The following CDH13 variants were observed in gnomAD, a reference collection of about 807,000 sequenced individuals.
CDH13 encodes cadherin-13.
A neutral mutation model predicts 63.8 loss-of-function variants in CDH13; 24 were observed. The observed-to-expected ratio is 0.38, with a 90% CI of 0.27 to 0.53. The LOEUF is 0.53. Ranked by LOEUF, CDH13 falls within the 20% of genes least tolerant of loss-of-function variation. CDH13 has a pLI of 0.85. For missense variants in CDH13, 1,049 were observed against 903.1 expected, an observed-to-expected ratio of 1.16 and a Z score of -2.07; for synonymous variants, 503 against 355.3, an observed-to-expected ratio of 1.42 and a Z score of -4.67.
intron 5 of CDH13, among the ~76,000 whole-genome samples, chr16:83,297,200 G>A: frequency 6.6e-6 from 1 of 152,080 alleles, no homozygotes; most frequent in South Asian, 2.1e-4. Flanking sequence ...ATTATATTGT[G>A]TATCTGAAAA....
intron 1 of CDH13, among the ~76,000 whole-genome samples, chr16:82,721,044 A>G (rs1258353930): frequency 6.6e-6 from 1 of 152,260 alleles, no homozygotes; most frequent in South Asian, 2.1e-4. Context: ...CATTTTATAC[A>G]TAATGGAAGT....
intron 6 of CDH13, among the ~76,000 whole-genome samples, chr16:83,371,706 C>G (rs4782782): frequency 0.7 from 106,582 of 152,058 alleles, 37,532 homozygotes; most frequent in East Asian, 0.88. Context: ...ACATATGAAT[C>G]ACTGAAATAC....
intron 6 of CDH13, among the ~76,000 whole-genome samples, chr16:83,411,649 T>C (rs1344327611): frequency 6.6e-6 from 1 of 152,190 alleles, no homozygotes; most frequent in Non-Finnish European, 1.5e-5. Context: ...GCAAAGACCA[T>C]TTTTATGCCC....
intron 5 of CDH13, among the ~76,000 whole-genome samples, chr16:83,313,575 G>A (rs2090044099): frequency 6.7e-6 from 1 of 149,492 alleles, no homozygotes; most frequent in African/African-American, 2.5e-5. Context: ...CCAGGCCATG[G>A]TAGATTTTTA....
intron 5 of CDH13, among the ~76,000 whole-genome samples, chr16:83,267,179 C>T (rs140817319): frequency 3.9e-5 from 6 of 152,270 alleles, no homozygotes; most frequent in African/African-American, 1.2e-4. Flanking sequence ...AAAACCCCAA[C>T]CCAACTGTTG....
At chr16:83,561,851 G>C (rs1470020792) in intron 7 of CDH13, among the ~76,000 whole-genome samples, 1 of 152,138 alleles carries the variant, frequency 6.6e-6, no homozygotes, top group African/African-American at 2.4e-5. Context: ...CCTTAAAAGA[G>C]ACCACTGCTC....
At chr16:83,471,988 T>C (rs1056037646) in intron 6 of CDH13, among the ~76,000 whole-genome samples, 1 of 152,252 alleles carries the variant, frequency 6.6e-6, no homozygotes, top group Non-Finnish European at 1.5e-5. Context: ...TTGCTTTCAT[T>C]GAAGACTTCT....
intron 1 of CDH13, among the ~76,000 whole-genome samples, chr16:82,741,372 A>C (rs1417430714): frequency 1.3e-5 from 2 of 152,192 alleles, no homozygotes; most frequent in Non-Finnish European, 2.9e-5. Flanking sequence ...AGCCCAGCTC[A>C]AACTTTACAA....
intron 6 of CDH13, among the ~76,000 whole-genome samples, chr16:83,444,292 T>G (rs1014127105): frequency 6.6e-6 from 1 of 152,188 alleles, no homozygotes; most frequent in Non-Finnish European, 1.5e-5. Context: ...GTAACAGATA[T>G]GTTAAGCACT....
At chr16:82,783,492 C>A (rs901145429) in intron 1 of CDH13, among the ~76,000 whole-genome samples, 12 of 152,204 alleles carry the variant, frequency 7.9e-5, no homozygotes, top group Non-Finnish European at 1.5e-4. Flanking sequence ...GAGAGGTGAG[C>A]CCCAGGAGGT....
intron 6 of CDH13, among the ~76,000 whole-genome samples, chr16:83,484,522 T>C (rs1328889179): frequency 6.6e-6 from 1 of 152,272 alleles, no homozygotes; most frequent in Non-Finnish European, 1.5e-5. Flanking sequence ...AGCAGGCATG[T>C]TTTTGTTGGT....
At chr16:83,106,022 A>G (rs1195343351) in intron 3 of CDH13, among the ~76,000 whole-genome samples, 1 of 152,216 alleles carries the variant, frequency 6.6e-6, no homozygotes, top group African/African-American at 2.4e-5. Context: ...CCTTCACAAG[A>G]TTAAATTTGT....
intron 7 of CDH13, among the ~76,000 whole-genome samples, chr16:83,593,179 G>C (rs1316686095): frequency 6.6e-6 from 1 of 152,212 alleles, no homozygotes; most frequent in Admixed American, 6.5e-5. Flanking sequence ...GGACGCTTGT[G>C]ATGCCCAGCT....
chr16:83,529,283 T>C (rs943730100), intron 7 of CDH13, among the ~76,000 whole-genome samples: 1 of 152,134 alleles, frequency 6.6e-6, no homozygotes, highest in African/African-American at 2.4e-5. Flanking sequence ...GGATGACATA[T>C]ATTAAACTTA....
At chr16:83,787,949 G>A (rs1597234313) in intron 13 of CDH13, among the ~76,000 whole-genome samples, 1 of 152,214 alleles carries the variant, frequency 6.6e-6, no homozygotes, top group Non-Finnish European at 1.5e-5. Flanking sequence ...CACCTGCAGA[G>A]ATCCAGGAGC....
chr16:83,507,055 A>G (rs1190031158), intron 7 of CDH13, among the ~76,000 whole-genome samples: 2 of 152,262 alleles, frequency 1.3e-5, no homozygotes, highest in African/African-American at 2.4e-5. Flanking sequence ...TAACTAATAC[A>G]CATAGTCTGT....
chr16:83,319,017 A>AAT (rs1355082880), intron 5 of CDH13, among the ~76,000 whole-genome samples: 10 of 150,884 alleles, frequency 6.6e-5, no homozygotes, highest in Non-Finnish European at 1.3e-4. Context: ...TATTATACAA[A>AAT]ATATATATAT....
At chr16:82,798,116 A>G (rs1385849725) in intron 1 of CDH13, among the ~76,000 whole-genome samples, 3 of 152,216 alleles carry the variant, frequency 2.0e-5, no homozygotes, top group African/African-American at 4.8e-5. Context: ...TCTGAATTGG[A>G]TATGAAAGAA....
At chr16:83,320,473 C>T (rs891705212) in intron 5 of CDH13, among the ~76,000 whole-genome samples, 2 of 152,182 alleles carry the variant, frequency 1.3e-5, no homozygotes, top group African/African-American at 4.8e-5. Flanking sequence ...CAGGATGAAA[C>T]AGTTGCCTGA....
Sources: gnomAD v4.1 joint callset for allele counts (sites outside exome capture counted in the v4.1 genomes callset) on GRCh38, gnomAD v4.1.1 for gene constraint, MANE v1.5 for transcripts, NCBI Gene and HGNC (gene_info 2026-07-23, HGNC 2026-07-21) for gene names.